ATXN10: variants seen among roughly 807,000 people sequenced by gnomAD.
ATXN10 encodes the protein ataxin-10.
A neutral mutation model predicts 52.9 loss-of-function variants in ATXN10; 28 were observed. The ratio of observed to expected loss-of-function variants is 0.53; its 90% CI spans 0.39 to 0.73. The LOEUF (loss-of-function observed/expected upper bound fraction) is 0.73. Among genes scored for constraint, ATXN10 ranks in the 30% least tolerant of loss-of-function variants. ATXN10 has a pLI of 0.00. For synonymous variants in ATXN10, 226 were observed against 221.5 expected (o/e 1.02, Z -0.18); for missense variants, 565 against 577.0 (o/e 0.98, Z 0.21).
intron 9 of ATXN10, 80 bp downstream of exon 9, chr22:45,740,618 G>A (rs764659151): frequency 1.1e-5 from 16 of 1,423,732 alleles, no homozygotes; most frequent in Non-Finnish European, 1.5e-5. Flanking sequence ...CACTCTTTTG[G>A]AGTGAAAGCT....
At chr22:45,779,721 A>G (rs571664317) in intron 9 of ATXN10, among the ~76,000 whole-genome samples, 5 of 152,352 alleles carry the variant, frequency 3.3e-5, no homozygotes, top group South Asian at 2.1e-4. Flanking sequence ...ATTGCCTTGC[A>G]TGGTTACAGA....
At chr22:45,792,995 C>G in intron 9 of ATXN10, 1 of 309,884 alleles carries the variant, frequency 3.2e-6, no homozygotes, top group Non-Finnish European at 6.8e-6. Flanking sequence ...TAGTTCCACC[C>G]AAATGCTTTC....
At chr22:45,827,129 CCACACACA>C (rs57068887) in intron 10 of ATXN10, among the ~76,000 whole-genome samples, 6,638 of 146,624 alleles carry the variant, frequency 0.045, 221 homozygotes, top group East Asian at 0.17. Flanking sequence ...CCCATGGTAA[CCACACACA>C]CACACACACA....
In ATXN10 at chr22:45,775,057, A is replaced by G. The variant is rs944874122; in HGVS notation, c.1174-31902A>G. Among the ~76,000 whole-genome samples the G allele has an allele frequency of 1.3e-5, 2 of 152,198 alleles. No individual in the cohort carries two copies. Among genetic ancestry groups the G allele is most frequent in the African/African-American group, 4.8e-5 (2 of 41,456 alleles). On this transcript the variant is annotated intron_variant, in intron 9 of 11. Coordinates refer to ENST00000252934, the MANE Select transcript of ATXN10 (RefSeq NM_013236.4). The surrounding 1 kb of genome is among the most constrained non-coding windows in gnomAD (Gnocchi z 4.7). ...GTAGTTTGTAAAACTTTAGTGTTGT[A>G]TTACCAGAAGCACTTATCCACTCTG...
chr22:45,816,231 G>A lies in ATXN10; in HGVS notation c.1237+9209G>A, dbSNP rs1928456989. 6.6e-6 allele frequency among the ~76,000 whole-genome samples: 1 copy of A among 152,046 alleles called. No individual in the cohort carries two copies. Among genetic ancestry groups the A allele is most frequent in the Admixed American group, 6.6e-5 (1 of 15,248 alleles). ...TTGTGTCATTGGCACGCCAGCCTGGGTGTTGCAGCAAGACTCTATCTAAAA... is the reference window on the plus strand; with the variant it reads ...TTGTGTCATTGGCACGCCAGCCTGGATGTTGCAGCAAGACTCTATCTAAAA... On this transcript the variant is annotated intron_variant, in intron 10 of 11. Transcript: ENST00000252934. This position sits in a 1 kb window ranked among gnomAD's most constrained non-coding sequence, Gnocchi z 5.8.
chr22:45,792,095 A>G (rs1010895877), intron 9 of ATXN10, among the ~76,000 whole-genome samples: 1 of 152,178 alleles, frequency 6.6e-6, no homozygotes, highest in Non-Finnish European at 1.5e-5. Flanking sequence ...CTTAAGCTCA[A>G]TCTTAGCACT....
chr22:45,737,965 T>A (rs1004468004), intron 7 of ATXN10, among the ~76,000 whole-genome samples: 2 of 152,072 alleles, frequency 1.3e-5, no homozygotes, highest in African/African-American at 4.8e-5. Context: ...GGCCTCCCAA[T>A]GTGAAGAATG....
chr22:45,700,550 G>T (rs1001246183), intron 4 of ATXN10, among the ~76,000 whole-genome samples, 172 bp downstream of exon 4: 2 of 152,040 alleles, frequency 1.3e-5, no homozygotes, highest in African/African-American at 4.8e-5. Flanking sequence ...GGAAACACCT[G>T]GGTCCTGGAA....
chr22:45,698,841 G>A (rs1377120014), intron 3 of ATXN10, among the ~76,000 whole-genome samples: 2 of 152,178 alleles, frequency 1.3e-5, no homozygotes, highest in Non-Finnish European at 2.9e-5. Flanking sequence ...TGGTGTGTTA[G>A]TTCAAACCTA....
In ATXN10 at chr22:45,759,556, G is replaced by T. The variant is rs1348356906; in HGVS notation, c.1173+19018G>T. 6.6e-6 allele frequency among the ~76,000 whole-genome samples: 1 copy of T among 152,078 alleles called. No individual in the cohort carries two copies. Among genetic ancestry groups the T allele is most frequent in the East Asian group, 1.9e-4 (1 of 5,176 alleles). The stretch of plus-strand genomic sequence containing the variant: ...CTAGAGCAGTCTGATCAGGGTGAGG[G>T]TTCCGTACTCTTCTTGTGCCATGAA... On this transcript the variant is annotated intron_variant, in intron 9 of 11. Transcript: ENST00000252934. The surrounding 1 kb of genome is among the most constrained non-coding windows in gnomAD (Gnocchi z 5.4).
rs887240874 is a variant in ATXN10, at chr22:45,784,390, C to T, written c.1174-22569C>T. Among the ~76,000 whole-genome samples, 2 of 152,150 alleles carry T rather than the reference C, an allele frequency of 1.3e-5. No homozygotes were observed. The highest frequency in any genetic ancestry group is 2.9e-5 in the Non-Finnish European group (2 of 68,038). ...GTAGGATACTTGGCACGTTTCCTTT[C>T]CCTCGCCTATTTCCCATTTTCAAGC... On this transcript the variant is annotated intron_variant, in intron 9 of 11. Transcript: ENST00000252934. The surrounding 1 kb of genome is among the most constrained non-coding windows in gnomAD (Gnocchi z 4.2).
intron 10 of ATXN10, among the ~76,000 whole-genome samples, chr22:45,809,183 G>A (rs1928199871): frequency 6.6e-6 from 1 of 152,142 alleles, no homozygotes; most frequent in Admixed American, 6.5e-5. Flanking sequence ...AAGTAAATAA[G>A]GACATGATAC....
intron 10 of ATXN10, among the ~76,000 whole-genome samples, chr22:45,811,160 A>T (rs1300369113): frequency 6.6e-6 from 1 of 152,130 alleles, no homozygotes; most frequent in Non-Finnish European, 1.5e-5. Flanking sequence ...CATTACATAA[A>T]TTTTCCCTTT....
Position 45,772,413 on chromosome 22 carries a change from C to T in ATXN10, c.1173+31875C>T, listed in dbSNP as rs1291285786. Among the ~76,000 whole-genome samples the T allele has an allele frequency of 6.6e-6, 1 of 152,148 alleles. No homozygotes were observed. The highest frequency in any genetic ancestry group is 1.5e-5 in the Non-Finnish European group (1 of 68,004). On this transcript the variant is annotated intron_variant, in intron 9 of 11. Transcript: ENST00000252934. This position sits in a 1 kb window ranked among gnomAD's most constrained non-coding sequence, Gnocchi z 4.1. ...TTGTGTGGGTCTGTTTCCAGATATG[C>T]TATTTTGTTCGTCGATATTTGTGCC... is the stretch of plus-strand genomic sequence containing the variant.
At chr22:45,714,935 G>A (rs915869232) in intron 5 of ATXN10, among the ~76,000 whole-genome samples, 3 of 152,128 alleles carry the variant, frequency 2.0e-5, no homozygotes, top group African/African-American at 7.2e-5. Context: ...CGGCAACAGA[G>A]CACTGTCATG....
In ATXN10 at chr22:45,833,041, C is replaced by A. The variant is rs1601675580; in HGVS notation, c.1238-9950C>A. On this transcript the variant is annotated intron_variant, in intron 10 of 11. Coordinates refer to ENST00000252934, the MANE Select transcript of ATXN10 (RefSeq NM_013236.4). The surrounding 1 kb of genome is among the most constrained non-coding windows in gnomAD (Gnocchi z 4.3). ...AGTAGTGCTCTTCCCCTGATGAGGA[C>A]AAATTAGAATTAGAGATCTCCTTGT... 6.6e-6 allele frequency among the ~76,000 whole-genome samples: 1 copy of A among 152,284 alleles called. No homozygotes were observed. The highest frequency in any genetic ancestry group is 1.9e-4 in the East Asian group (1 of 5,186).
chr22:45,795,424 T>TATTCTATTCTATTCTATTCTATTC lies in ATXN10; in HGVS notation c.1174-11535_1174-11534insATTCTATTCTATTCTATTCTATTC, dbSNP rs1555896219. On this transcript the variant is annotated intron_variant, in intron 9 of 11. Coordinates refer to ENST00000252934, the MANE Select transcript of ATXN10 (RefSeq NM_013236.4). This position sits in a 1 kb window ranked among gnomAD's most constrained non-coding sequence, Gnocchi z 4.6. Reference sequence around the variant, plus strand: ...TATTCTATTCTATTCTATTCTATTCTTTTTGAGATGAAGTCTCTCTATGTT... The same window carrying TATTCTATTCTATTCTATTCTATTC: ...TATTCTATTCTATTCTATTCTATTCTATTCTATTCTATTCTATTCTATTCTTTTGAGATGAAGTCTCTCTATGTT... Among the ~76,000 whole-genome samples the TATTCTATTCTATTCTATTCTATTC allele has an allele frequency of 6.8e-6, 1 of 147,460 alleles. No homozygotes were observed. The highest frequency in any genetic ancestry group is 1.5e-5 in the Non-Finnish European group (1 of 67,196).
At chr22:45,802,033 C>T (rs1397453921) in intron 9 of ATXN10, among the ~76,000 whole-genome samples, 2 of 152,204 alleles carry the variant, frequency 1.3e-5, no homozygotes, top group African/African-American at 4.8e-5. Context: ...CCCAAAGGAG[C>T]TTGGTTATTA....
intron 1 of ATXN10, chr22:45,675,580 T>C (rs943804391): frequency 6.6e-6 from 1 of 152,218 alleles, no homozygotes; most frequent in African/African-American, 2.4e-5. Flanking sequence ...AGCTGTGTGG[T>C]GAGGAGCTGA....
Sources: gnomAD v4.1 joint callset for allele counts (sites outside exome capture counted in the v4.1 genomes callset) on GRCh38, gnomAD v4.1.1 for gene constraint, Gnocchi (gnomAD v3.1) non-coding constraint, MANE v1.5 for transcripts, NCBI Gene and HGNC (gene_info 2026-07-23, HGNC 2026-07-21) for gene names.